The following C2CD2 variants were observed in gnomAD, a reference collection of about 807,000 sequenced individuals.
C2CD2 encodes the protein C2 calcium dependent domain containing 2, also known as C2 domain-containing protein 2.
Under a neutral mutation model 74.3 loss-of-function variants are expected in C2CD2, and 43 were observed. The ratio of observed to expected loss-of-function variants is 0.58; its 90% CI spans 0.45 to 0.75. C2CD2 has a LOEUF of 0.75. Among genes scored for constraint, C2CD2 ranks in the 30% least tolerant of loss-of-function variants. The pLI, the probability that C2CD2 is intolerant of heterozygous loss-of-function variation, is 0.00. For missense variants in C2CD2, 801 were observed against 916.3 expected, an observed-to-expected ratio of 0.87 and a Z score of 1.63; for synonymous variants, 422 against 390.7, an observed-to-expected ratio of 1.08 and a Z score of -0.94.
rs767979113 is a variant in C2CD2 at position 41,903,715 on chromosome 21, C to T, written c.1433-1966G>A. Among the ~76,000 whole-genome samples, 86 of 152,168 alleles carry T rather than the reference C, an allele frequency of 5.7e-4. No individual in the cohort carries two copies. The highest frequency in any genetic ancestry group is 4.1e-4 in the South Asian group (2 of 4,826). ...TCACGCCAGGCCCAGTGCTTCTGTT[C>T]AGTCCCCCGAGAGCCCGGTCCAGGT... On this transcript the variant is annotated intron_variant, in intron 11 of 13. Transcript: ENST00000380486. The surrounding 1 kb of genome is among the most constrained non-coding windows in gnomAD (Gnocchi z 4.5).
chr21:41,953,502 C>T lies in C2CD2; in HGVS notation c.147G>A (p.Ala49=), dbSNP rs2065467908. Residue 49 remains alanine, a synonymous_variant, in exon 1 of 14, where the codon GCG becomes GCA. Coordinates refer to ENST00000380486, the MANE Select transcript of C2CD2 (RefSeq NM_015500.2). The stretch of plus-strand genomic sequence containing the variant: ...GGCGCGGCCCCTCTCCAGGCTCCAC[C>T]GCCCGCCGCTGGGGCTGGGGTCGCG... ...ARARPQPQRR[A]VEPGEGPRPG... is the part of the protein sequence containing the mutation. 2.7e-6 allele frequency: 4 copies of T among 1,484,108 alleles called. No individual in the cohort carries two copies. The East Asian group carries it at 8.7e-5, about 32-fold the overall frequency. The allele number at this position is 1,484,108 out of a possible 1,614,324, so 91.9% of individuals were successfully genotyped here.
intron 5 of C2CD2, among the ~76,000 whole-genome samples, chr21:41,915,337 A>G (rs982977995): frequency 6.6e-6 from 1 of 152,156 alleles, no homozygotes; most frequent in Non-Finnish European, 1.5e-5. Flanking sequence ...TCCAACAGAC[A>G]CCAGGGCGTT....
At chr21:41,891,881 A>G (rs1350340558) in intron 13 of C2CD2, among the ~76,000 whole-genome samples, 1 of 151,966 alleles carries the variant, frequency 6.6e-6, no homozygotes, top group African/African-American at 2.4e-5. Flanking sequence ...CTCCACCTCC[A>G]AAGTCCATTT....
intron 1 of C2CD2, chr21:41,953,027 C>G: frequency 3.5e-6 from 1 of 287,914 alleles, no homozygotes; most frequent in Non-Finnish European, 6.5e-6. Flanking sequence ...AGTAAGTGTC[C>G]GATCGGGCAC....
chr21:41,943,746 C>T (rs372805636), intron 1 of C2CD2, among the ~76,000 whole-genome samples: 6 of 152,210 alleles, frequency 3.9e-5, no homozygotes, highest in Non-Finnish European at 8.8e-5. Flanking sequence ...CAATGACCCG[C>T]GTAAACCTAA....
At chr21:41,928,911 A>T (rs56104533) in intron 2 of C2CD2, among the ~76,000 whole-genome samples, 1 of 151,876 alleles carries the variant, frequency 6.6e-6, no homozygotes, top group East Asian at 1.9e-4. Context: ...TCCTTTCCCT[A>T]TCTCTGTTGT....
At chr21:41,951,063 G>C (rs1009979398) in intron 1 of C2CD2, among the ~76,000 whole-genome samples, 1 of 152,138 alleles carries the variant, frequency 6.6e-6, no homozygotes, top group East Asian at 1.9e-4. Flanking sequence ...GGGCAGCCAC[G>C]AATGGACACA....
chr21:41,913,445 G>A (rs1013534483), intron 6 of C2CD2, among the ~76,000 whole-genome samples: 2 of 152,196 alleles, frequency 1.3e-5, no homozygotes, highest in Admixed American at 6.5e-5. Context: ...AGACCCAGAC[G>A]TGGGGACATC....
At chr21:41,901,197 C>G (rs1484861442) in intron 12 of C2CD2, 3 of 289,750 alleles carry the variant, frequency 1.0e-5, no homozygotes, top group Non-Finnish European at 1.3e-5. Context: ...ATGTTCATTT[C>G]TCTCTGATTA....
At chr21:41,913,081 G>T (rs1431095250) in intron 6 of C2CD2, among the ~76,000 whole-genome samples, 1 of 152,178 alleles carries the variant, frequency 6.6e-6, no homozygotes, top group East Asian at 1.9e-4. Flanking sequence ...ATATACACAG[G>T]CATGGTCCCC....
At chr21:41,953,273 G>A (rs948636782) in intron 1 of C2CD2, 97 bp downstream of exon 1, 2 of 777,890 alleles carry the variant, frequency 2.6e-6, no homozygotes, top group Admixed American at 4.2e-5. Flanking sequence ...CCCTTAGCCT[G>A]GGTCAGGGGC....
rs546223062 is a variant in C2CD2, at chr21:41,946,465, G to A, written c.280-4220C>T. Among the ~76,000 whole-genome samples, 11 of 152,240 alleles carry A rather than the reference G, an allele frequency of 7.2e-5. No individual in the cohort carries two copies. The South Asian group carries it at 2.1e-3, about 29-fold the overall frequency. Reference sequence around the variant, plus strand: ...ATGAGATCTGGTTGTTTAAAAGTGTGTAGCACCTCCCGCCTCTTTCTCCCC... The same window carrying A: ...ATGAGATCTGGTTGTTTAAAAGTGTATAGCACCTCCCGCCTCTTTCTCCCC... On this transcript the variant is annotated intron_variant, in intron 1 of 13. Transcript: ENST00000380486.
chr21:41,950,934 A>G (rs1429574810), intron 1 of C2CD2, among the ~76,000 whole-genome samples: 2 of 152,204 alleles, frequency 1.3e-5, no homozygotes, highest in Admixed American at 6.5e-5. Context: ...TGGGTAGGAC[A>G]GAGTGATATC....
At chr21:41,928,740 A>G (rs752442262) in intron 2 of C2CD2, among the ~76,000 whole-genome samples, 77 of 152,088 alleles carry the variant, frequency 5.1e-4, no homozygotes, top group Non-Finnish European at 1.0e-3. Flanking sequence ...CATCAGGTAG[A>G]ACACACGTGC....
rs1411937966 is a variant in C2CD2 at position 41,899,052 on chromosome 21, C to T, written c.1870+1G>A. The T allele has an allele frequency of 6.2e-7, 1 of 1,612,452 alleles. No homozygotes were observed. The highest frequency in any genetic ancestry group is 8.5e-7 in the Non-Finnish European group (1 of 1,179,256). The stretch of plus-strand genomic sequence containing the variant: ...GGGATGGGGGGCTCGGGAGCAGGTA[C>T]CTTTATGCTTTTTGGCAGTGCCCGG... On this transcript the variant is annotated splice_donor_variant, in intron 13 of 13. Transcript: ENST00000380486. LOFTEE classifies it high-confidence loss of function. The surrounding 1 kb of genome is among the most constrained non-coding windows in gnomAD (Gnocchi z 4.4).
chr21:41,886,411 G>A lies in C2CD2; in HGVS notation c.*2713C>T, dbSNP rs1479102197. On this transcript the variant is annotated 3_prime_UTR_variant, in exon 14 of 14. Transcript: ENST00000380486. ...TGAAAAAACAAACCTGTATAAAACA[G>A]CTTGGAAAACAAACATTCACAGTAT... 6.6e-6 allele frequency: 1 copy of A among 152,178 alleles called. No individual in the cohort carries two copies. Among genetic ancestry groups the A allele is most frequent in the Non-Finnish European group, 1.5e-5 (1 of 68,034 alleles). The allele number at this position is 152,178 out of a possible 1,614,324, so 9.4% of individuals were successfully genotyped here.
intron 1 of C2CD2, among the ~76,000 whole-genome samples, chr21:41,942,683 G>C (rs1309567771): frequency 6.6e-6 from 1 of 152,216 alleles, no homozygotes; most frequent in Non-Finnish European, 1.5e-5. Context: ...GCTAGGGACA[G>C]TCCTCTATTC....
chr21:41,911,413 G>A (rs1601569435), intron 7 of C2CD2, among the ~76,000 whole-genome samples: 1 of 113,430 alleles, frequency 8.8e-6, no homozygotes, highest in African/African-American at 3.4e-5. Context: ...TTTTTGAGAT[G>A]GAGTCTCACT....
At chr21:41,930,865 C>A (rs544757230) in intron 2 of C2CD2, among the ~76,000 whole-genome samples, 1 of 150,158 alleles carries the variant, frequency 6.7e-6, no homozygotes, top group African/African-American at 2.4e-5. Context: ...GACCTCAGAC[C>A]CCCAGGGAAG....
Sources: gnomAD v4.1 joint callset for allele counts (sites outside exome capture counted in the v4.1 genomes callset) on GRCh38, gnomAD v4.1.1 for gene constraint, Gnocchi (gnomAD v3.1) non-coding constraint, MANE v1.5 for transcripts, NCBI Gene and HGNC (gene_info 2026-07-23, HGNC 2026-07-21) for gene names.